HMGCLL1: variants seen among roughly 807,000 people sequenced by gnomAD.
HMGCLL1 encodes 3-hydroxymethyl-3-methylglutaryl-CoA lyase, cytoplasmic.
HMGCLL1 carries 36 observed loss-of-function variants against 39.1 expected under a neutral mutation model. The observed-to-expected ratio is 0.92, with a 90% CI of 0.71 to 1.22. The LOEUF is 1.22. HMGCLL1 is among the 50% of genes most tolerant of loss of function. HMGCLL1 has a pLI of 0.00. For synonymous variants in HMGCLL1, 149 were observed against 144.0 expected, an observed-to-expected ratio of 1.03 and a Z score of -0.25; for missense variants, 451 against 416.5, an observed-to-expected ratio of 1.08 and a Z score of -0.72.
intron 1 of HMGCLL1, among the ~76,000 whole-genome samples, chr6:55,570,993 T>C (rs987122440): frequency 3.9e-5 from 6 of 152,164 alleles, no homozygotes; most frequent in African/African-American, 1.4e-4. Context: ...TCAGATCTCA[T>C]GAGACTTATT....
the HMGCLL1 span, among the ~76,000 whole-genome samples, chr6:55,650,108 T>TATATATATATATACACACACATATAC: frequency 7.9e-5 from 6 of 75,782 alleles, no homozygotes; most frequent in East Asian, 4.6e-3. Context: ...TATATATATA[T>TATATATATATATACACACACATATAC]ATATATATAT....
intron 3 of HMGCLL1, among the ~76,000 whole-genome samples, chr6:55,528,170 A>G (rs1384575552): frequency 6.6e-6 from 1 of 152,078 alleles, no homozygotes; most frequent in Non-Finnish European, 1.5e-5. Flanking sequence ...ATAATGTCAG[A>G]AGCTATCTGT....
intron 1 of HMGCLL1, among the ~76,000 whole-genome samples, chr6:55,561,000 A>T (rs1770918329): frequency 6.6e-6 from 1 of 152,198 alleles, no homozygotes; most frequent in Non-Finnish European, 1.5e-5. Context: ...CAAACAGGTT[A>T]TAAGTGAACT....
chr6:55,599,661 T>C, the HMGCLL1 span, among the ~76,000 whole-genome samples: 1 of 152,184 alleles, frequency 6.6e-6, no homozygotes, highest in Non-Finnish European at 1.5e-5. Flanking sequence ...ATAAATGCCT[T>C]GCCTTTTTAC....
At chr6:55,463,246 G>C (rs1764660118) in intron 7 of HMGCLL1, among the ~76,000 whole-genome samples, 2 of 151,728 alleles carry the variant, frequency 1.3e-5, no homozygotes, top group South Asian at 4.2e-4. Flanking sequence ...TGGCCAGGCT[G>C]GTCTCGAACT....
At chr6:55,453,554 G>C (rs1422689873) in intron 7 of HMGCLL1, among the ~76,000 whole-genome samples, 1 of 152,160 alleles carries the variant, frequency 6.6e-6, no homozygotes, top group Admixed American at 6.5e-5. Context: ...CCTTGCTATA[G>C]GATATGAGCT....
At chr6:55,577,214 CT>C (rs1305354632) in intron 1 of HMGCLL1, 1 of 1,531,946 alleles carries the variant, frequency 6.5e-7, no homozygotes, top group Admixed American at 2.0e-5. Flanking sequence ...GTTAGTGCTG[CT>C]GTGAGTTCAA....
At chr6:55,598,054 T>A in the HMGCLL1 span, among the ~76,000 whole-genome samples, 3 of 152,176 alleles carry the variant, frequency 2.0e-5, no homozygotes, top group African/African-American at 7.2e-5. Flanking sequence ...TTTTCCACAA[T>A]AAGATCATGA....
the HMGCLL1 span, among the ~76,000 whole-genome samples, chr6:55,665,073 AG>A: frequency 5.9e-4 from 89 of 151,706 alleles, no homozygotes; most frequent in Non-Finnish European, 1.2e-3. Context: ...AAGGAGGAGG[AG>A]TTTATGCAAG....
chr6:55,678,283 A>C, the HMGCLL1 span, among the ~76,000 whole-genome samples: 1 of 152,348 alleles, frequency 6.6e-6, no homozygotes, highest in African/African-American at 2.4e-5. Flanking sequence ...TATCAGAGAT[A>C]CAGCTACACA....
At chr6:55,584,708 A>T in the HMGCLL1 span, among the ~76,000 whole-genome samples, 1 of 152,048 alleles carries the variant, frequency 6.6e-6, no homozygotes, top group African/African-American at 2.4e-5. Context: ...GGCTATTTGA[A>T]AGTCTCTATG....
the HMGCLL1 span, among the ~76,000 whole-genome samples, chr6:55,653,699 AG>A: frequency 1.3e-5 from 2 of 151,996 alleles, no homozygotes; most frequent in Non-Finnish European, 2.9e-5. Flanking sequence ...TATTACCAAT[AG>A]GAACCCTGGA....
chr6:55,465,682 T>A (rs1758256603), intron 7 of HMGCLL1, among the ~76,000 whole-genome samples: 1 of 152,008 alleles, frequency 6.6e-6, no homozygotes, highest in East Asian at 1.9e-4. Flanking sequence ...GTTTTATCAA[T>A]TTTTTTCTGT....
chr6:55,636,106 A>G, the HMGCLL1 span, among the ~76,000 whole-genome samples: 1 of 152,174 alleles, frequency 6.6e-6, no homozygotes, highest in African/African-American at 2.4e-5. Flanking sequence ...TCATTTTCAC[A>G]AGTGATTAAT....
intron 1 of HMGCLL1, chr6:55,577,220 G>A: frequency 6.6e-7 from 1 of 1,519,824 alleles, no homozygotes; most frequent in Non-Finnish European, 8.8e-7. Flanking sequence ...GCTGCTGTGA[G>A]TTCAATTACG....
the HMGCLL1 span, among the ~76,000 whole-genome samples, chr6:55,597,210 A>T: frequency 2.8e-4 from 43 of 152,234 alleles, no homozygotes; most frequent in East Asian, 6.9e-3. Context: ...CATTACAAAC[A>T]TCATGTCAAT....
intron 7 of HMGCLL1, among the ~76,000 whole-genome samples, chr6:55,449,992 G>C (rs1295015753): frequency 6.6e-6 from 1 of 151,974 alleles, no homozygotes; most frequent in African/African-American, 2.4e-5. Flanking sequence ...ATCTCATCTT[G>C]ACTTATTCCA....
At chr6:55,652,833 T>G in the HMGCLL1 span, among the ~76,000 whole-genome samples, 89 of 152,190 alleles carry the variant, frequency 5.8e-4, no homozygotes, top group Non-Finnish European at 1.2e-3. Flanking sequence ...AAAATATCCA[T>G]GAAAAAATTG....
At chr6:55,619,366 C>T in the HMGCLL1 span, among the ~76,000 whole-genome samples, 83 of 152,116 alleles carry the variant, frequency 5.5e-4, no homozygotes, top group African/African-American at 1.8e-3. Flanking sequence ...TTACCATAAA[C>T]TGTTTCTGCA....
Sources: allele counts gnomAD v4.1 joint callset (sites outside exome capture counted in the v4.1 genomes callset), GRCh38; gene constraint gnomAD v4.1.1; transcripts MANE v1.5; gene names NCBI Gene and HGNC (gene_info 2026-07-23, HGNC 2026-07-21).